Variants in FRMPD1 observed in about 807,000 individuals in gnomAD.
FRMPD1 encodes FERM and PDZ domain-containing protein 1.
In FRMPD1, 76 loss-of-function variants were observed where a neutral mutation model predicts 117.8. The observed-to-expected ratio is 0.65, with a 90% CI of 0.54 to 0.78. The LOEUF (loss-of-function observed/expected upper bound fraction) is 0.78, where lower values mean the gene tolerates loss of function less well. Ranked by LOEUF, FRMPD1 falls within the 30% of genes least tolerant of loss-of-function variation. The probability of loss-of-function intolerance (pLI) is 0.00; values close to 1 mark genes in which losing one functional copy is unlikely to be tolerated. For missense variants in FRMPD1, 1,786 were observed against 1,964.5 expected, an observed-to-expected ratio of 0.91 and a Z score of 1.72; for synonymous variants, 783 against 770.4, an observed-to-expected ratio of 1.02 and a Z score of -0.27.
Position 37,745,727 on chromosome 9 carries a change from A to G in FRMPD1, c.3695A>G (p.Asn1232Ser), listed in dbSNP as rs1370151264. 1.2e-6 allele frequency: 2 copies of G among 1,614,006 alleles called. No individual in the cohort carries two copies. The highest frequency in any genetic ancestry group is 2.2e-5 in the South Asian group (2 of 91,080). Residue 1232 changes from asparagine to serine, a missense_variant, in exon 16 of 16, where the codon AAC (asparagine) becomes AGC (serine). Asn to Ser is a conservative substitution (Grantham distance 46). Coordinates refer to ENST00000377765, the MANE Select transcript of FRMPD1 (RefSeq NM_014907.3). ...PPEGIKAEAPNHVTGQDIAPR... is the reference protein window; with the variant it reads ...PPEGIKAEAPSHVTGQDIAPR... Reference sequence around the variant, plus strand: ...GAGGGGATCAAGGCAGAGGCACCTAACCATGTGACAGGGCAAGATATAGCC... The same window carrying G: ...GAGGGGATCAAGGCAGAGGCACCTAGCCATGTGACAGGGCAAGATATAGCC...
chr9:37,609,789 C>T, the FRMPD1 span, among the ~76,000 whole-genome samples: 1 of 152,218 alleles, frequency 6.6e-6, no homozygotes, highest in Non-Finnish European at 1.5e-5. Context: ...CTCTCACTGG[C>T]TGTCCTTCCC....
chr9:37,610,105 T>A, the FRMPD1 span, among the ~76,000 whole-genome samples: 5,260 of 152,308 alleles, frequency 0.035, 291 homozygotes, highest in African/African-American at 0.12. Flanking sequence ...ATAGTTTTCT[T>A]AATTTGTTGT....
At chr9:37,732,021 A>G (rs1354738672) in intron 9 of FRMPD1, among the ~76,000 whole-genome samples, 1 of 152,248 alleles carries the variant, frequency 6.6e-6, no homozygotes, top group Non-Finnish European at 1.5e-5. Flanking sequence ...AACGCCATCA[A>G]TACTTTATAT....
chr9:37,632,190 G>T, the FRMPD1 span, among the ~76,000 whole-genome samples: 2 of 152,042 alleles, frequency 1.3e-5, no homozygotes, highest in Non-Finnish European at 2.9e-5. Flanking sequence ...CTACAATAAG[G>T]CATTTATTGT....
At chr9:37,716,755 T>C (rs1823138057) in intron 5 of FRMPD1, among the ~76,000 whole-genome samples, 1 of 152,198 alleles carries the variant, frequency 6.6e-6, no homozygotes, top group Non-Finnish European at 1.5e-5. Context: ...CAGCTCCTTA[T>C]ACCCTCTTAT....
chr9:37,705,094 C>T (rs1251058862), intron 2 of FRMPD1, among the ~76,000 whole-genome samples: 2 of 152,030 alleles, frequency 1.3e-5, no homozygotes, highest in East Asian at 3.8e-4. Flanking sequence ...ATTGTTTGAT[C>T]CTTTTTGTGG....
intron 7 of FRMPD1, among the ~76,000 whole-genome samples, chr9:37,729,125 A>G (rs904123313): frequency 1.1e-4 from 16 of 151,962 alleles, no homozygotes; most frequent in Admixed American, 6.6e-5. Context: ...GCAAACGCCT[A>G]TAATTCCAGC....
At chr9:37,732,476 T>C in intron 10 of FRMPD1, 36 bp downstream of exon 10, 1 of 1,568,776 alleles carries the variant, frequency 6.4e-7, no homozygotes, top group Non-Finnish European at 8.6e-7. Flanking sequence ...ATTGCATTTA[T>C]AACTTGCTGG....
At chr9:37,685,584 G>A (rs999702582) in intron 1 of FRMPD1, among the ~76,000 whole-genome samples, 18 of 152,046 alleles carry the variant, frequency 1.2e-4, no homozygotes, top group East Asian at 1.9e-4. Context: ...CCCATGAGGC[G>A]GAGATTGCGG....
intron 12 of FRMPD1, among the ~76,000 whole-genome samples, chr9:37,734,413 G>C (rs1203382749): frequency 6.6e-6 from 1 of 151,958 alleles, no homozygotes; most frequent in Non-Finnish European, 1.5e-5. Flanking sequence ...GAAGAGAAAC[G>C]AGAAGCAGAA....
chr9:37,632,941 A>AT, the FRMPD1 span, among the ~76,000 whole-genome samples: 1 of 147,496 alleles, frequency 6.8e-6, no homozygotes, highest in African/African-American at 2.4e-5. Flanking sequence ...TCTTTTATAT[A>AT]TATAAAAATA....
chr9:37,718,500 C>G (rs1019833747), intron 5 of FRMPD1, among the ~76,000 whole-genome samples: 2 of 152,168 alleles, frequency 1.3e-5, no homozygotes, highest in African/African-American at 4.8e-5. Flanking sequence ...TCATACCAAC[C>G]TGTGATGACT....
At chr9:37,637,367 G>A in the FRMPD1 span, 10 of 749,606 alleles carry the variant, frequency 1.3e-5, no homozygotes, top group Non-Finnish European at 2.4e-5. Context: ...GGTGGCCGCC[G>A]ATGTTTTTTC....
chr9:37,735,750 G>T lies in FRMPD1; in HGVS notation c.1401+16G>T. 1 of 1,593,018 alleles carries T rather than the reference G, an allele frequency of 6.3e-7. No individual in the cohort carries two copies. The highest frequency in any genetic ancestry group is 2.2e-5 in the East Asian group (1 of 44,526). On this transcript the variant is annotated intron_variant, in intron 13 of 15. Transcript: ENST00000377765. Reference sequence around the variant, plus strand: ...GGACGTCAAGGTAACACAATGGGGAGAGATTCTGAATTCAACTGCTGGAAT... The same window carrying T: ...GGACGTCAAGGTAACACAATGGGGATAGATTCTGAATTCAACTGCTGGAAT...
At chr9:37,695,364 T>C (rs1194558250) in intron 2 of FRMPD1, among the ~76,000 whole-genome samples, 1 of 152,210 alleles carries the variant, frequency 6.6e-6, no homozygotes, top group East Asian at 1.9e-4. Flanking sequence ...TGTGGAATGT[T>C]GTCTCATTGT....
intron 1 of FRMPD1, among the ~76,000 whole-genome samples, chr9:37,679,885 G>C (rs962566969): frequency 6.6e-6 from 1 of 152,208 alleles, no homozygotes; most frequent in Non-Finnish European, 1.5e-5. Context: ...CCATCACTGA[G>C]GCTGCTTGAG....
chr9:37,692,927 C>A (rs1269198123), intron 2 of FRMPD1, among the ~76,000 whole-genome samples, 185 bp downstream of exon 2: 2 of 152,036 alleles, frequency 1.3e-5, no homozygotes, highest in East Asian at 3.9e-4. Flanking sequence ...GTACCCTACC[C>A]CCAACATGTA....
chr9:37,724,925 A>G (rs1322099581), intron 7 of FRMPD1, among the ~76,000 whole-genome samples: 5 of 152,226 alleles, frequency 3.3e-5, no homozygotes, highest in African/African-American at 9.6e-5. Context: ...CATCTCTTCC[A>G]GCCTGTCCAG....
At chr9:37,690,796 A>G (rs1370233191) in intron 1 of FRMPD1, among the ~76,000 whole-genome samples, 1 of 152,164 alleles carries the variant, frequency 6.6e-6, no homozygotes, top group Non-Finnish European at 1.5e-5. Flanking sequence ...TGGAGGCTGG[A>G]AAGTCTAATA....
Sources: gnomAD v4.1 joint callset for allele counts (sites outside exome capture counted in the v4.1 genomes callset) on GRCh38, gnomAD v4.1.1 for gene constraint, MANE v1.5 for transcripts, NCBI Gene and HGNC (gene_info 2026-07-23, HGNC 2026-07-21) for gene names.